Variants in IPCEF1 observed in about 807,000 individuals in gnomAD.
IPCEF1 encodes the protein interaction protein for cytohesin exchange factors 1.
A neutral mutation model predicts 50.9 loss-of-function variants in IPCEF1; 31 were observed. The ratio of observed to expected loss-of-function variants is 0.61; its 90% CI spans 0.46 to 0.82. The LOEUF is 0.82. Among genes scored for constraint, IPCEF1 ranks in the 40% least tolerant of loss-of-function variants. IPCEF1 has a pLI of 0.00. For missense variants in IPCEF1, 458 were observed against 514.0 expected (o/e 0.89, Z 1.05); for synonymous variants, 181 against 192.0 (o/e 0.94, Z 0.47).
rs1304915618 is a variant in IPCEF1 at position 154,304,339 on chromosome 6, C to T, written c.-61-14583G>A. 4.6e-5 allele frequency among the ~76,000 whole-genome samples: 7 copies of T among 152,240 alleles called. No homozygotes were observed. In the East Asian group the frequency reaches 5.8e-4, roughly 13 times the overall value. The stretch of plus-strand genomic sequence containing the variant: ...GCTCTTCCTTAAAGAGTATAGTATT[C>T]GTGCCAATTTTTTCAGACTTTATTC... On this transcript the variant is annotated intron_variant, in intron 1 of 11. Transcript: ENST00000367220.
chr6:154,171,261 T>C (rs572131659), intron 10 of IPCEF1, among the ~76,000 whole-genome samples: 1 of 152,222 alleles, frequency 6.6e-6, no homozygotes, highest in Admixed American at 6.5e-5. Context: ...GGCATTTGCA[T>C]GTGACAGAAT....
Position 154,247,295 on chromosome 6 carries a change from T to A in IPCEF1, c.76+154A>T, listed in dbSNP as rs1046843772. 4 of 610,272 alleles carry A rather than the reference T, an allele frequency of 6.6e-6. No homozygotes were observed. The African/African-American group carries it at 7.4e-5, about 11-fold the overall frequency. 37.8% of individuals were successfully genotyped at this position (610,272 alleles called of 1,614,324 possible). On this transcript the variant is annotated intron_variant, in intron 4 of 11. Coordinates refer to ENST00000367220, the MANE Select transcript of IPCEF1 (RefSeq NM_001130700.2). Reference sequence around the variant, plus strand: ...AACAACATGTCGTCATTTCTTAAAATCGATTCAACAATAACCAAAAATTAA... The same window carrying A: ...AACAACATGTCGTCATTTCTTAAAAACGATTCAACAATAACCAAAAATTAA...
chr6:154,167,495 C>A (rs1799535019), intron 11 of IPCEF1, among the ~76,000 whole-genome samples: 2 of 152,178 alleles, frequency 1.3e-5, no homozygotes, highest in African/African-American at 4.8e-5. Context: ...GTCCTGAAGA[C>A]TGGTACCCTT....
intron 1 of IPCEF1, among the ~76,000 whole-genome samples, chr6:154,323,461 G>GGTATTTACAAATGAACGTTTATTTA (rs1783440647): frequency 6.7e-6 from 1 of 148,544 alleles, no homozygotes; most frequent in African/African-American, 2.5e-5. Flanking sequence ...ACATTTCTTT[G>GGTATTTACAAATGAACGTTTATTTA]GTATTTACAA....
chr6:154,319,125 C>T (rs550313977), intron 1 of IPCEF1, among the ~76,000 whole-genome samples: 4 of 152,100 alleles, frequency 2.6e-5, no homozygotes, highest in African/African-American at 7.2e-5. Flanking sequence ...ACCAATTGTG[C>T]GTGAATGAAG....
At chr6:154,187,546 G>A (rs1562530290) in intron 10 of IPCEF1, among the ~76,000 whole-genome samples, 1 of 152,132 alleles carries the variant, frequency 6.6e-6, no homozygotes, top group Admixed American at 6.5e-5. Flanking sequence ...GCATTAGGTG[G>A]GTGACCTGTA....
intron 10 of IPCEF1, among the ~76,000 whole-genome samples, chr6:154,192,318 C>CTGTGTGTTTGTGTGTG (rs374502866): frequency 3.4e-3 from 497 of 148,128 alleles, no homozygotes; most frequent in African/African-American, 0.012. Context: ...CACGTGGTTA[C>CTGTGTGTTTGTGTGTG]TGTGTGTGTG....
At chr6:154,191,212 A>G (rs2128580896) in intron 10 of IPCEF1, among the ~76,000 whole-genome samples, 1 of 152,348 alleles carries the variant, frequency 6.6e-6, no homozygotes, top group East Asian at 1.9e-4. Flanking sequence ...GTAGTAAAAA[A>G]GATGAGAGGT....
chr6:154,355,680 G>C (rs576474569), intron 1 of IPCEF1, among the ~76,000 whole-genome samples: 2 of 151,832 alleles, frequency 1.3e-5, no homozygotes, highest in East Asian at 3.9e-4. Context: ...GTAGAGACGG[G>C]GTTTCATCAT....
chr6:154,241,404 G>T (rs910549401), intron 5 of IPCEF1, among the ~76,000 whole-genome samples: 1 of 150,868 alleles, frequency 6.6e-6, no homozygotes, highest in Admixed American at 6.6e-5. Flanking sequence ...TTTATACAAA[G>T]AAACAATGTA....
Position 154,288,676 on chromosome 6 carries a change from CAAAAAAAAAAA to C in IPCEF1, c.-18+1026_-18+1036del, listed in dbSNP as rs558703057. Among the ~76,000 whole-genome samples, 4 of 46,894 alleles carry C rather than the reference CAAAAAAAAAAA, an allele frequency of 8.5e-5. 1 individual carries two copies. Among genetic ancestry groups the C allele is most frequent in the Admixed American group, 6.4e-4 (2 of 3,140 alleles). The allele number at this position is 46,894 out of a possible 152,430, so 30.8% of individuals were successfully genotyped here. The stretch of plus-strand genomic sequence containing the variant: ...GACTCTGTCTAAAAAACAAAAAAAA[CAAAAAAAAAAA>C]AAAAAAAAAAAAAAAAAACTGTAAA... On this transcript the variant is annotated intron_variant, in intron 2 of 11. Coordinates refer to ENST00000367220, the MANE Select transcript of IPCEF1 (RefSeq NM_001130700.2).
At chr6:154,270,760 G>C (rs1473109075) in intron 2 of IPCEF1, among the ~76,000 whole-genome samples, 1 of 152,134 alleles carries the variant, frequency 6.6e-6, no homozygotes, top group Non-Finnish European at 1.5e-5. Context: ...CAAATAGCTT[G>C]AGATCACGAG....
intron 10 of IPCEF1, among the ~76,000 whole-genome samples, chr6:154,183,798 G>A (rs1304391663): frequency 6.6e-6 from 1 of 152,198 alleles, no homozygotes; most frequent in East Asian, 1.9e-4. Context: ...GCTGAGGTGG[G>A]AGAATCACTT....
At chr6:154,223,513 C>T (rs1043402186) in intron 5 of IPCEF1, among the ~76,000 whole-genome samples, 1 of 151,476 alleles carries the variant, frequency 6.6e-6, no homozygotes, top group Non-Finnish European at 1.5e-5. Flanking sequence ...GGCTTAGGGC[C>T]TGTCTCCACC....
intron 5 of IPCEF1, among the ~76,000 whole-genome samples, chr6:154,231,220 T>C (rs1482896601): frequency 6.6e-6 from 1 of 152,108 alleles, no homozygotes; most frequent in Non-Finnish European, 1.5e-5. Flanking sequence ...AAAGTAAAAG[T>C]AAAAGGAGAT....
At chr6:154,269,693 T>C (rs1307501612) in intron 2 of IPCEF1, among the ~76,000 whole-genome samples, 4 of 152,150 alleles carry the variant, frequency 2.6e-5, no homozygotes, top group Non-Finnish European at 5.9e-5. Context: ...ACTAAAATGA[T>C]TCAAAAATAA....
intron 10 of IPCEF1, 131 bp downstream of exon 10, chr6:154,199,537 A>C (rs1279111618): frequency 9.2e-7 from 1 of 1,085,250 alleles, no homozygotes; most frequent in Non-Finnish European, 1.3e-6. Flanking sequence ...ACCTCTGGGC[A>C]TAGCCCCACT....
chr6:154,194,674 G>T (rs761458013), intron 10 of IPCEF1, among the ~76,000 whole-genome samples: 1 of 152,082 alleles, frequency 6.6e-6, no homozygotes, highest in Non-Finnish European at 1.5e-5. Flanking sequence ...AGGAAAAATT[G>T]TAGGAAGTAG....
Position 154,236,381 on chromosome 6 carries a change from A to G in IPCEF1, c.246+10210T>C, listed in dbSNP as rs1190657991. ...GACAGAGAGGAGAATGGTGGTTGCC[A>G]GGGACTGGGAGGAGAAGGAATGGAG... On this transcript the variant is annotated intron_variant, in intron 5 of 11. Coordinates refer to ENST00000367220, the MANE Select transcript of IPCEF1 (RefSeq NM_001130700.2). Among the ~76,000 whole-genome samples, 4 of 152,212 alleles carry G rather than the reference A, an allele frequency of 2.6e-5. No homozygotes were observed. In the East Asian group the frequency reaches 7.7e-4, roughly 29 times the overall value.
Sources: allele counts gnomAD v4.1 joint callset (sites outside exome capture counted in the v4.1 genomes callset), GRCh38; gene constraint gnomAD v4.1.1; transcripts MANE v1.5; gene names NCBI Gene and HGNC (gene_info 2026-07-23, HGNC 2026-07-21).